CTNNA3: variants seen among roughly 807,000 people sequenced by gnomAD.
CTNNA3 encodes the protein catenin alpha 3.
In CTNNA3, 76 loss-of-function variants were observed where a neutral mutation model predicts 95.7. The observed-to-expected ratio is 0.79, with a 90% CI of 0.66 to 0.96. The LOEUF (loss-of-function observed/expected upper bound fraction) is 0.96. Among genes scored for constraint, CTNNA3 ranks in the 40% least tolerant of loss-of-function variants. CTNNA3 has a pLI of 0.00. For synonymous variants in CTNNA3, 431 were observed against 374.4 expected (o/e 1.15, Z -1.74); for missense variants, 1,191 against 1,089.8 (o/e 1.09, Z -1.31).
chr10:67,740,839 G>T (rs1309451980), intron 1 of CTNNA3, among the ~76,000 whole-genome samples: 3 of 151,432 alleles, frequency 2.0e-5, no homozygotes, highest in Admixed American at 6.6e-5. Flanking sequence ...AAATCATGCT[G>T]CTATAAAGAC....
chr10:66,854,240 A>T (rs1843604056), intron 7 of CTNNA3, among the ~76,000 whole-genome samples: 1 of 152,086 alleles, frequency 6.6e-6, no homozygotes, highest in Admixed American at 6.6e-5. Context: ...AGAATATCTC[A>T]CATTACATGT....
At chr10:66,569,567 G>A (rs187516342) in intron 10 of CTNNA3, among the ~76,000 whole-genome samples, 43 of 152,178 alleles carry the variant, frequency 2.8e-4, no homozygotes, top group Non-Finnish European at 5.4e-4. Context: ...TAATAAGCAG[G>A]ACATATTTAT....
At chr10:66,692,109 C>T (rs4745913) in intron 9 of CTNNA3, among the ~76,000 whole-genome samples, 26,443 of 151,478 alleles carry the variant, frequency 0.17, 2,710 homozygotes, top group East Asian at 0.33. Flanking sequence ...CAAAGCTGGA[C>T]AGAGAATGAC....
At chr10:66,129,030 CGAG>C (rs2082964353) in intron 13 of CTNNA3, among the ~76,000 whole-genome samples, 1 of 151,948 alleles carries the variant, frequency 6.6e-6, no homozygotes, top group South Asian at 2.1e-4. Flanking sequence ...TTTGGGAGGC[CGAG>C]GAGGACAGAT....
intron 15 of CTNNA3, among the ~76,000 whole-genome samples, chr10:66,055,750 C>G (rs1445758904): frequency 6.6e-6 from 1 of 151,738 alleles, no homozygotes; most frequent in African/African-American, 2.4e-5. Context: ...GGTGAAACCC[C>G]ATCTCTACTA....
rs150742053 is a variant in CTNNA3, at chr10:66,795,827, C to G, written c.1048-20303G>C. 2.7e-3 allele frequency among the ~76,000 whole-genome samples: 413 copies of G among 152,292 alleles called. 3 individuals carry two copies. Among genetic ancestry groups the G allele is most frequent in the African/African-American group, 9.5e-3 (395 of 41,586 alleles). On this transcript the variant is annotated intron_variant, in intron 7 of 17. Coordinates refer to ENST00000433211, the MANE Select transcript of CTNNA3 (RefSeq NM_013266.4). Reference sequence around the variant, plus strand: ...TTCTACATTAGCACTTGCTGCTTCACCTGGCATTTTCATGTTATGAAGCTG... The same window carrying G: ...TTCTACATTAGCACTTGCTGCTTCAGCTGGCATTTTCATGTTATGAAGCTG...
At chr10:65,957,780 T>C (rs978499338) in intron 17 of CTNNA3, among the ~76,000 whole-genome samples, 1 of 152,220 alleles carries the variant, frequency 6.6e-6, no homozygotes, top group Non-Finnish European at 1.5e-5. Flanking sequence ...GGCTTCCCTC[T>C]GTGGGTAACC....
chr10:67,414,866 C>A (rs1257342470), intron 5 of CTNNA3, among the ~76,000 whole-genome samples: 2 of 152,170 alleles, frequency 1.3e-5, no homozygotes, highest in Non-Finnish European at 2.9e-5. Flanking sequence ...GCACATGTTG[C>A]AAATCAACAA....
At chr10:66,786,230 T>G (rs535124403) in intron 7 of CTNNA3, among the ~76,000 whole-genome samples, 28 of 152,214 alleles carry the variant, frequency 1.8e-4, no homozygotes, top group African/African-American at 5.8e-4. Flanking sequence ...GGCCCTTTAA[T>G]ATACTCTCCT....
chr10:66,488,729 G>C (rs763584546), intron 11 of CTNNA3, among the ~76,000 whole-genome samples: 3 of 152,032 alleles, frequency 2.0e-5, no homozygotes, highest in Non-Finnish European at 4.4e-5. Flanking sequence ...GATTATATAT[G>C]AGTAACTGGC....
chr10:66,430,328 C>T (rs2093282865), intron 11 of CTNNA3, among the ~76,000 whole-genome samples: 1 of 152,124 alleles, frequency 6.6e-6, no homozygotes. Context: ...GCCATACTGG[C>T]CAAGGTAATT....
At position 66,778,201 on chromosome 10, in the gene CTNNA3, CT is replaced by C. The variant is rs527558527; in HGVS notation, c.1048-2678del. On this transcript the variant is annotated intron_variant, in intron 7 of 17. Transcript: ENST00000433211. ...CACCTTTCTACTTTTTCACCTCCGG[CT>C]TTTTATTGGATCCTTGCTCTATTTA... Among the ~76,000 whole-genome samples the C allele has an allele frequency of 7.9e-5, 12 of 152,236 alleles. No homozygotes were observed. In the South Asian group the frequency reaches 2.5e-3, roughly 32 times the overall value.
intron 5 of CTNNA3, among the ~76,000 whole-genome samples, chr10:67,511,782 C>A (rs1178366039): frequency 6.6e-6 from 1 of 152,182 alleles, no homozygotes; most frequent in African/African-American, 2.4e-5. Context: ...ACCAGCTCCT[C>A]TTTGTACCTC....
At chr10:67,742,864 C>T (rs971390286) in intron 1 of CTNNA3, among the ~76,000 whole-genome samples, 3 of 151,266 alleles carry the variant, frequency 2.0e-5, no homozygotes, top group African/African-American at 7.3e-5. Flanking sequence ...TCAGAGAATA[C>T]TATAAACACC....
At chr10:66,218,798 T>G (rs1014332678) in intron 13 of CTNNA3, among the ~76,000 whole-genome samples, 13 of 152,186 alleles carry the variant, frequency 8.5e-5, no homozygotes, top group African/African-American at 3.1e-4. Context: ...CTCTAAAGAT[T>G]TTGAGAAGAC....
rs923253395 is a variant in CTNNA3, at chr10:66,934,039, T to G, written c.1048-158515A>C. ...ATGGACGCTCTTGAGTTAGGGATCC[T>G]GAACACGTGAGGAAAATTCCAGGAA... On this transcript the variant is annotated intron_variant, in intron 7 of 17. Coordinates refer to ENST00000433211, the MANE Select transcript of CTNNA3 (RefSeq NM_013266.4). Among the ~76,000 whole-genome samples, 4 of 152,112 alleles carry G rather than the reference T, an allele frequency of 2.6e-5. No homozygotes were observed. In the South Asian group the frequency reaches 8.3e-4, roughly 32 times the overall value.
intron 7 of CTNNA3, among the ~76,000 whole-genome samples, chr10:66,962,000 C>T (rs1703616278): frequency 6.6e-6 from 1 of 152,168 alleles, no homozygotes; most frequent in South Asian, 2.1e-4. Flanking sequence ...ACTTAAGTCT[C>T]TCATTTTACT....
chr10:66,681,735 C>A (rs1309198556), intron 9 of CTNNA3, among the ~76,000 whole-genome samples: 1 of 152,128 alleles, frequency 6.6e-6, no homozygotes, highest in Non-Finnish European at 1.5e-5. Context: ...GGAAGAGGAA[C>A]CTCAGGGGTT....
At chr10:66,254,838 C>A (rs1325208724) in intron 13 of CTNNA3, among the ~76,000 whole-genome samples, 1 of 152,162 alleles carries the variant, frequency 6.6e-6, no homozygotes, top group African/African-American at 2.4e-5. Context: ...TGTCTCTGCC[C>A]TTGGGGCCGA....
Sources: allele counts gnomAD v4.1 joint callset (sites outside exome capture counted in the v4.1 genomes callset), GRCh38; gene constraint gnomAD v4.1.1; transcripts MANE v1.5; gene names NCBI Gene and HGNC (gene_info 2026-07-23, HGNC 2026-07-21).